CPA5: variants seen among roughly 807,000 people sequenced by gnomAD.
CPA5 encodes testicular tissue protein Li 32.
Under a neutral mutation model 52.2 loss-of-function variants are expected in CPA5, and 38 were observed. That is an observed-to-expected ratio of 0.73 (90% CI 0.56 to 0.95). CPA5 has a LOEUF of 0.95. Ranked by LOEUF, CPA5 falls within the 40% of genes least tolerant of loss-of-function variation. The probability of loss-of-function intolerance (pLI) is 0.00; values close to 1 mark genes in which losing one functional copy is unlikely to be tolerated. For synonymous variants in CPA5, 198 were observed against 213.7 expected, an observed-to-expected ratio of 0.93 and a Z score of 0.64; for missense variants, 519 against 566.7, an observed-to-expected ratio of 0.92 and a Z score of 0.86.
At chr7:130,357,871 A>G (rs1554405601) in intron 5 of CPA5, among the ~76,000 whole-genome samples, 1 of 151,956 alleles carries the variant, frequency 6.6e-6, no homozygotes, top group East Asian at 1.9e-4. Flanking sequence ...TGTTGTTAAC[A>G]CTTGCATGCT....
In CPA5 at chr7:130,362,389, T is replaced by G. The variant is rs782768643; in HGVS notation, c.535-49T>G. On this transcript the variant is annotated intron_variant, in intron 7 of 12. Coordinates refer to ENST00000474905, the MANE Select transcript of CPA5 (RefSeq NM_080385.5). ...CTCCTTCCAGGTAGCCCAGAGACAG[T>G]AGCTGTCTGAGTTCAAACCTCGGTT... The G allele has an allele frequency of 7.4e-6, 10 of 1,353,796 alleles. 1 individual carries two copies. The highest frequency in any genetic ancestry group is 7.2e-5 in the South Asian group (6 of 83,186). 83.9% of individuals were successfully genotyped at this position (1,353,796 alleles called of 1,614,324 possible). A position where few individuals can be genotyped will look rare whatever the true frequency, so the allele number is the denominator to read the frequency against.
At position 130,346,385 on chromosome 7, in the gene CPA5, T is replaced by A. The variant is rs6955991; in HGVS notation, c.-93-8T>A. 0.57 allele frequency: 473,632 copies of A among 835,028 alleles called. 135,576 individuals carry two copies. The highest frequency in any genetic ancestry group is 0.64 in the African/African-American group (37,250 of 58,498). The allele number at this position is 835,028 out of a possible 1,614,324, so 51.7% of individuals were successfully genotyped here. A position where few individuals can be genotyped will look rare whatever the true frequency, so the allele number is the denominator to read the frequency against. On this transcript the variant is annotated splice_region_variant and splice_polypyrimidine_tract_variant and intron_variant, in intron 2 of 12. Coordinates refer to ENST00000474905, the MANE Select transcript of CPA5 (RefSeq NM_080385.5). ...GGGTGCCCCAGACAGCCTAATGCTC[T>A]TTCTCAGGCTGGGCTTTCCAGCCTC...
chr7:130,369,488 G>T (rs1436644263), downstream of CPA5, among the ~76,000 whole-genome samples: 2 of 152,204 alleles, frequency 1.3e-5, no homozygotes, highest in Non-Finnish European at 2.9e-5. Context: ...GGGATAGCAG[G>T]GCTGTTTGCT....
At chr7:130,349,441 A>G (rs987421465) in intron 4 of CPA5, among the ~76,000 whole-genome samples, 10 of 152,172 alleles carry the variant, frequency 6.6e-5, no homozygotes, top group African/African-American at 2.4e-4. Context: ...AAAAATTTAT[A>G]AGTTAAACTT....
intron 7 of CPA5, among the ~76,000 whole-genome samples, chr7:130,362,086 G>C (rs1554406798): frequency 6.6e-6 from 1 of 152,136 alleles, no homozygotes; most frequent in Admixed American, 6.5e-5. Context: ...CCAAACCTCA[G>C]ACCCCTCCCC....
intron 5 of CPA5, among the ~76,000 whole-genome samples, chr7:130,355,405 G>A (rs1784812912): frequency 6.6e-6 from 1 of 152,094 alleles, no homozygotes; most frequent in Admixed American, 6.6e-5. Context: ...TGGTGTGTGT[G>A]TGTGTGTGTG....
intron 5 of CPA5, among the ~76,000 whole-genome samples, chr7:130,354,102 A>G (rs1795336278): frequency 6.6e-6 from 1 of 151,670 alleles, no homozygotes; most frequent in Admixed American, 6.6e-5. Flanking sequence ...TAATTTTTGT[A>G]TTTTTTGTAG....
chr7:130,353,899 A>G lies in CPA5; in HGVS notation c.333+3790A>G, dbSNP rs565678690. Among the ~76,000 whole-genome samples, 4 of 152,316 alleles carry G rather than the reference A, an allele frequency of 2.6e-5. No homozygotes were observed. In the South Asian group the frequency reaches 8.3e-4, roughly 32 times the overall value. ...TTGGAGTAGAAGCCAAAGCCCTTGC[A>G]ATGGTCATAAGGCTTTTCATTTTAT... is the stretch of plus-strand genomic sequence containing the variant. On this transcript the variant is annotated intron_variant, in intron 5 of 12. Coordinates refer to ENST00000474905, the MANE Select transcript of CPA5 (RefSeq NM_080385.5).
intron 4 of CPA5, among the ~76,000 whole-genome samples, chr7:130,348,090 C>G (rs782450671): frequency 6.6e-5 from 10 of 152,166 alleles, no homozygotes; most frequent in Non-Finnish European, 1.5e-4. Context: ...GGATAGGGAG[C>G]TGCTACATGA....
At chr7:130,355,618 G>C (rs1795433769) in intron 5 of CPA5, among the ~76,000 whole-genome samples, 1 of 152,182 alleles carries the variant, frequency 6.6e-6, no homozygotes, top group Non-Finnish European at 1.5e-5. Context: ...TGTTGGCCAG[G>C]CCAGTCTTGA....
At chr7:130,356,629 G>A (rs1220521973) in intron 5 of CPA5, among the ~76,000 whole-genome samples, 1 of 152,202 alleles carries the variant, frequency 6.6e-6, no homozygotes, top group African/African-American at 2.4e-5. Context: ...AGGCTGTGAG[G>A]GTGTCTGGAA....
In CPA5 at chr7:130,368,480, C is replaced by G; in HGVS notation, c.1194C>G (p.Leu398=). Residue 398 remains leucine, a synonymous_variant, in exon 13 of 13, where the codon CTC becomes CTG. Transcript: ENST00000474905. ...SGIKYAFSFE[L]RDTGQYGFLL... ...TCAAGTACGCCTTCAGCTTTGAGCT[C>G]CGGGACACTGGGCAGTATGGCTTCC... is the stretch of plus-strand genomic sequence containing the variant. The G allele has an allele frequency of 6.2e-7, 1 of 1,614,164 alleles. No homozygotes were observed. The highest frequency in any genetic ancestry group is 8.5e-7 in the Non-Finnish European group (1 of 1,180,030).
chr7:130,350,732 A>G (rs1795085061), intron 5 of CPA5, among the ~76,000 whole-genome samples: 1 of 152,264 alleles, frequency 6.6e-6, no homozygotes, highest in African/African-American at 2.4e-5. Flanking sequence ...TTCATCCTGG[A>G]CACCCCAGTC....
intron 5 of CPA5, among the ~76,000 whole-genome samples, chr7:130,354,802 G>A (rs529957948): frequency 8.3e-4 from 125 of 151,254 alleles, no homozygotes; most frequent in African/African-American, 2.8e-3. Context: ...CAGTCATAGC[G>A]TACTGCAGCC....
At chr7:130,360,569 C>T (rs1334323977) in intron 6 of CPA5, among the ~76,000 whole-genome samples, 1 of 152,212 alleles carries the variant, frequency 6.6e-6, no homozygotes, top group Non-Finnish European at 1.5e-5. Flanking sequence ...ATCGCTTTTC[C>T]CACTTCACAA....
At chr7:130,345,304 G>C (rs1198508756) in intron 1 of CPA5, 99 bp downstream of exon 1, 1 of 152,166 alleles carries the variant, frequency 6.6e-6, no homozygotes, top group African/African-American at 2.4e-5. Context: ...GATGGGGAGG[G>C]GGAGCTTCTG....
chr7:130,353,712 C>T (rs377305703), intron 5 of CPA5, among the ~76,000 whole-genome samples: 2 of 152,158 alleles, frequency 1.3e-5, no homozygotes, highest in East Asian at 3.9e-4. Context: ...GCCCATGCGC[C>T]ATCTCGTCCC....
chr7:130,358,167 A>C (rs992929582), intron 5 of CPA5, among the ~76,000 whole-genome samples: 1 of 151,942 alleles, frequency 6.6e-6, no homozygotes, highest in African/African-American at 2.4e-5. Flanking sequence ...TAATTTTTTA[A>C]TTTTAATTTT....
At chr7:130,353,661 C>T (rs1050749602) in intron 5 of CPA5, among the ~76,000 whole-genome samples, 3 of 152,178 alleles carry the variant, frequency 2.0e-5, no homozygotes, top group Admixed American at 6.5e-5. Context: ...TTATCGCTGC[C>T]TTCAGAATGG....
Sources: allele counts gnomAD v4.1 joint callset (sites outside exome capture counted in the v4.1 genomes callset), GRCh38; gene constraint gnomAD v4.1.1; transcripts MANE v1.5; gene names NCBI Gene and HGNC (gene_info 2026-07-23, HGNC 2026-07-21).